Variants in ZFR observed in about 807,000 individuals in gnomAD.
ZFR encodes the protein zinc finger RNA binding protein, also known as zinc finger RNA-binding protein.
ZFR carries 19 observed loss-of-function variants against 130.7 expected under a neutral mutation model. The ratio of observed to expected loss-of-function variants is 0.15; its 90% CI spans 0.10 to 0.21. The LOEUF (loss-of-function observed/expected upper bound fraction) is 0.21. Ranked by LOEUF, ZFR falls within the 10% of genes least tolerant of loss-of-function variation. ZFR has a pLI of 1.00. For missense variants in ZFR, 872 were observed against 1,321.5 expected (o/e 0.66, Z 5.27); for synonymous variants, 466 against 456.9 (o/e 1.02, Z -0.25).
At position 32,403,335 on chromosome 5, in the gene ZFR, G is replaced by A; in HGVS notation, c.1287C>T (p.Ser429=). 3 of 1,614,168 alleles carry A rather than the reference G, an allele frequency of 1.9e-6. No homozygotes were observed. The highest frequency in any genetic ancestry group is 2.5e-6 in the Non-Finnish European group (3 of 1,180,020). ...PIPSTEPNVV[S]QATSSTAVSA... ...ATACAGCTGTTGAAGAAGTAGCTTG[G>A]CTAACAACATTTGGTTCTGTTGATG... is the stretch of plus-strand genomic sequence containing the variant. The change falls in exon 8 of 20, where the codon AGC becomes AGT. Residue 429 remains serine, a synonymous_variant. Transcript: ENST00000265069.
At chr5:32,441,962 AATT>A (rs1356781911) in intron 2 of ZFR, among the ~76,000 whole-genome samples, 2 of 151,936 alleles carry the variant, frequency 1.3e-5, no homozygotes, top group African/African-American at 4.8e-5. Flanking sequence ...CCAAAAAAAA[AATT>A]ATTAGAAACA....
rs141052841 is a variant in ZFR at position 32,372,701 on chromosome 5, C to T, written c.2835+6414G>A. Among the ~76,000 whole-genome samples the T allele has an allele frequency of 1.9e-3, 283 of 151,774 alleles. 3 individuals are homozygous for T. The highest frequency in any genetic ancestry group is 6.6e-3 in the African/African-American group (272 of 41,390). On this transcript the variant is annotated intron_variant, in intron 17 of 19. Coordinates refer to ENST00000265069, the MANE Select transcript of ZFR (RefSeq NM_016107.5). ...TACAAAAATTATCCAGACATGGTGG[C>T]GCGCGCGCTTGTAATCCCAGTTACT... is the stretch of plus-strand genomic sequence containing the variant.
chr5:32,388,696 C>T, intron 12 of ZFR, 22 bp from the exon 13 acceptor site: 1 of 1,555,750 alleles, frequency 6.4e-7, no homozygotes, highest in Non-Finnish European at 8.7e-7. Flanking sequence ...CAAAGTTGCT[C>T]AATTTAAAAA....
chr5:32,380,942 G>A (rs1161634446), intron 15 of ZFR, among the ~76,000 whole-genome samples: 4 of 151,846 alleles, frequency 2.6e-5, no homozygotes, highest in African/African-American at 4.8e-5. Flanking sequence ...GAGCCACTGC[G>A]CCCGGCCCAA....
At chr5:32,408,275 T>A (rs1753620459) in intron 5 of ZFR, among the ~76,000 whole-genome samples, 1 of 149,848 alleles carries the variant, frequency 6.7e-6, no homozygotes, top group Non-Finnish European at 1.5e-5. Flanking sequence ...AACTACACTG[T>A]GTCTGGCATA....
intron 17 of ZFR, among the ~76,000 whole-genome samples, chr5:32,369,285 C>T (rs2111676780): frequency 6.6e-6 from 1 of 152,202 alleles, no homozygotes; most frequent in Admixed American, 6.5e-5. Context: ...TTGGTTCTAT[C>T]AGCAACAGCC....
At chr5:32,441,373 C>A (rs186324766) in intron 2 of ZFR, among the ~76,000 whole-genome samples, 2 of 152,260 alleles carry the variant, frequency 1.3e-5, no homozygotes, top group Admixed American at 1.3e-4. Context: ...ATACAGTCAT[C>A]CCTCCATATA....
At position 32,398,879 on chromosome 5, in the gene ZFR, C is replaced by T. The variant is rs1221889234; in HGVS notation, c.1713+1128G>A. The stretch of plus-strand genomic sequence containing the variant: ...CTGGCCTCAAGTGATTCACCCACCT[C>T]GGCCTCCCAAAGTGCTGCAATTACA... On this transcript the variant is annotated intron_variant, in intron 9 of 19. Coordinates refer to ENST00000265069, the MANE Select transcript of ZFR (RefSeq NM_016107.5). Among the ~76,000 whole-genome samples, 11 of 152,062 alleles carry T rather than the reference C, an allele frequency of 7.2e-5. No homozygotes were observed. In the East Asian group the frequency reaches 9.8e-4, roughly 14 times the overall value.
At chr5:32,393,612 G>C (rs1322612642) in intron 11 of ZFR, among the ~76,000 whole-genome samples, 1 of 152,186 alleles carries the variant, frequency 6.6e-6, no homozygotes, top group Non-Finnish European at 1.5e-5. Flanking sequence ...AAAGTGTTGG[G>C]ATTACAGGTA....
intron 2 of ZFR, among the ~76,000 whole-genome samples, chr5:32,435,082 T>C (rs964027485): frequency 6.6e-6 from 1 of 151,932 alleles, no homozygotes; most frequent in African/African-American, 2.4e-5. Context: ...TGATGGGGGG[T>C]TAATTTTTGT....
chr5:32,407,798 G>A lies in ZFR; in HGVS notation c.785-777C>T, dbSNP rs576385044. 2.6e-5 allele frequency among the ~76,000 whole-genome samples: 4 copies of A among 152,268 alleles called. 1 individual carries two copies. The South Asian group carries it at 8.3e-4, about 32-fold the overall frequency. On this transcript the variant is annotated intron_variant, in intron 5 of 19. Transcript: ENST00000265069. ...ATTGTTCAGAGACTCCAGTGAATAA[G>A]TACATTATGCAAGCTGTTTATATAA...
intron 19 of ZFR, among the ~76,000 whole-genome samples, chr5:32,357,573 AT>A (rs1341780247): frequency 4.6e-5 from 7 of 152,140 alleles, no homozygotes; most frequent in African/African-American, 1.4e-4. Context: ...GCCAACTTGT[AT>A]TTTTTAATCA....
intron 7 of ZFR, among the ~76,000 whole-genome samples, chr5:32,403,624 G>T: frequency 6.6e-6 from 1 of 152,128 alleles, no homozygotes; most frequent in East Asian, 1.9e-4. Context: ...GGAAACTGAG[G>T]TAGAGAAAGA....
chr5:32,360,707 G>A (rs1435913021), intron 19 of ZFR, among the ~76,000 whole-genome samples: 1 of 152,104 alleles, frequency 6.6e-6, no homozygotes, highest in Non-Finnish European at 1.5e-5. Flanking sequence ...AAGAGTTGCT[G>A]AGGCATACAG....
chr5:32,430,609 A>G (rs1273811643), intron 2 of ZFR, among the ~76,000 whole-genome samples: 2 of 152,196 alleles, frequency 1.3e-5, no homozygotes, highest in Non-Finnish European at 2.9e-5. Context: ...AGTCCCAAGA[A>G]ACCCTAGTAA....
chr5:32,423,852 A>T (rs183697548), intron 2 of ZFR, among the ~76,000 whole-genome samples: 63 of 152,336 alleles, frequency 4.1e-4, no homozygotes, highest in Admixed American at 7.2e-4. Context: ...TGGTAACACT[A>T]AAGCAAGAAG....
At chr5:32,363,799 T>C (rs1752483204) in intron 19 of ZFR, 149 bp downstream of exon 19, 1 of 570,460 alleles carries the variant, frequency 1.8e-6, no homozygotes, top group Non-Finnish European at 2.9e-6. Context: ...GGGCAAGCTA[T>C]TTTAATATCC....
chr5:32,431,062 G>T (rs531892728), intron 2 of ZFR, among the ~76,000 whole-genome samples: 4 of 152,326 alleles, frequency 2.6e-5, no homozygotes, highest in African/African-American at 4.8e-5. Flanking sequence ...GCAACACAGT[G>T]AGACCCTGTC....
intron 3 of ZFR, among the ~76,000 whole-genome samples, 191 bp downstream of exon 3, chr5:32,419,630 G>A (rs1753908482): frequency 6.6e-6 from 1 of 152,104 alleles, no homozygotes; most frequent in Non-Finnish European, 1.5e-5. Flanking sequence ...GAGCCACCGC[G>A]CCCAGCCGGC....
Sources: allele counts gnomAD v4.1 joint callset (sites outside exome capture counted in the v4.1 genomes callset), GRCh38; gene constraint gnomAD v4.1.1; transcripts MANE v1.5; gene names NCBI Gene and HGNC (gene_info 2026-07-23, HGNC 2026-07-21).